The following AGBL4 variants were observed in gnomAD, a reference collection of about 807,000 sequenced individuals.
AGBL4 encodes AGBL carboxypeptidase 4, also known as cytosolic carboxypeptidase 6.
In AGBL4, 58 loss-of-function variants were observed where a neutral mutation model predicts 66.4. That is an observed-to-expected ratio of 0.87 (90% CI 0.71 to 1.09). The LOEUF is 1.09. AGBL4 is among the 50% of genes least tolerant of loss of function. The probability of loss-of-function intolerance (pLI) is 0.00; values close to 1 mark genes in which losing one functional copy is unlikely to be tolerated. For synonymous variants in AGBL4, 234 were observed against 222.9 expected (o/e 1.05, Z -0.44); for missense variants, 579 against 631.0 (o/e 0.92, Z 0.88).
chr1:49,369,995 C>T (rs1644309285), intron 3 of AGBL4, among the ~76,000 whole-genome samples: 3 of 151,130 alleles, frequency 2.0e-5, no homozygotes, highest in Admixed American at 2.0e-4. Context: ...CAGATTAGAA[C>T]TGCACATCGG....
In AGBL4 at chr1:49,648,249, G is replaced by T. The variant is rs12067883; in HGVS notation, c.282+49064C>A. On this transcript the variant is annotated intron_variant, in intron 3 of 13. Transcript: ENST00000371839. ...ACTTTTAATGGGCTTAATATAGGCT[G>T]GACACAGCTGAGAAAAGAGCTTCTG... Among the ~76,000 whole-genome samples the T allele has an allele frequency of 2.6e-3, 395 of 151,656 alleles. 5 individuals are homozygous for T. Among genetic ancestry groups the T allele is most frequent in the African/African-American group, 9.0e-3 (371 of 41,378 alleles).
intron 3 of AGBL4, among the ~76,000 whole-genome samples, chr1:49,282,506 T>C (rs905162896): frequency 6.6e-6 from 1 of 151,986 alleles, no homozygotes; most frequent in Non-Finnish European, 1.5e-5. Context: ...ATTAAGAAAG[T>C]AGGGGGAGGA....
At chr1:49,704,476 T>G (rs1180566209) in intron 2 of AGBL4, among the ~76,000 whole-genome samples, 3 of 152,110 alleles carry the variant, frequency 2.0e-5, no homozygotes, top group African/African-American at 7.2e-5. Context: ...GACACAAATA[T>G]AAAACCCAAA....
chr1:49,955,038 C>T (rs1315350221), intron 1 of AGBL4, among the ~76,000 whole-genome samples: 1 of 151,806 alleles, frequency 6.6e-6, no homozygotes, highest in Non-Finnish European at 1.5e-5. Flanking sequence ...TTTACTTTCC[C>T]GAAATATGTT....
At chr1:49,638,868 T>C (rs532858334) in intron 3 of AGBL4, among the ~76,000 whole-genome samples, 1 of 152,286 alleles carries the variant, frequency 6.6e-6, no homozygotes, top group East Asian at 1.9e-4. Context: ...AAGAAGATAC[T>C]ACTAACACGC....
At chr1:49,067,850 G>A (rs964895474) in intron 4 of AGBL4, among the ~76,000 whole-genome samples, 3 of 152,044 alleles carry the variant, frequency 2.0e-5, no homozygotes, top group African/African-American at 7.2e-5. Context: ...TTCGTTTGCT[G>A]CACCCATCAA....
At chr1:48,539,578 G>T in intron 12 of AGBL4, 64 bp downstream of exon 12, 1 of 1,294,252 alleles carries the variant, frequency 7.7e-7, no homozygotes, top group Non-Finnish European at 1.0e-6. Context: ...GCTAAGGGAA[G>T]TTGCCCCTGA....
intron 3 of AGBL4, among the ~76,000 whole-genome samples, chr1:49,484,255 T>A (rs1647016843): frequency 6.6e-6 from 1 of 151,916 alleles, no homozygotes; most frequent in Non-Finnish European, 1.5e-5. Flanking sequence ...AGGTATATAT[T>A]CAAAAGTTGG....
At chr1:48,742,634 C>A in intron 6 of AGBL4, 1 of 1,588,990 alleles carries the variant, frequency 6.3e-7, no homozygotes, top group South Asian at 1.1e-5. Context: ...TTGCCATTGT[C>A]TAGGATATAC....
intron 1 of AGBL4, among the ~76,000 whole-genome samples, chr1:49,879,953 C>G (rs1297771927): frequency 6.8e-6 from 1 of 146,228 alleles, no homozygotes; most frequent in Non-Finnish European, 1.5e-5. Context: ...TTGATCGCAT[C>G]GGCTCCTGAG....
At chr1:48,591,108 A>ACC in intron 9 of AGBL4, 123 bp from the exon 10 acceptor site, 2 of 717,140 alleles carry the variant, frequency 2.8e-6, no homozygotes, top group Non-Finnish European at 4.1e-6. Context: ...CCACACACAC[A>ACC]CACACATCAA....
At chr1:49,299,399 G>A (rs1644703332) in intron 3 of AGBL4, among the ~76,000 whole-genome samples, 1 of 152,218 alleles carries the variant, frequency 6.6e-6, no homozygotes, top group East Asian at 1.9e-4. Flanking sequence ...CTGTAGATGG[G>A]TATTAAATTA....
At chr1:49,701,462 T>C (rs1243123054) in intron 2 of AGBL4, among the ~76,000 whole-genome samples, 1 of 152,138 alleles carries the variant, frequency 6.6e-6, no homozygotes, top group Non-Finnish European at 1.5e-5. Flanking sequence ...CACAGATGTA[T>C]AGTTATATAG....
intron 4 of AGBL4, among the ~76,000 whole-genome samples, chr1:49,087,834 G>A (rs921427516): frequency 1.3e-5 from 2 of 152,206 alleles, no homozygotes; most frequent in Non-Finnish European, 2.9e-5. Flanking sequence ...AAGGCAGCTA[G>A]AGAGAAGGGG....
intron 3 of AGBL4, among the ~76,000 whole-genome samples, chr1:49,371,787 TGTCA>T (rs1246456957): frequency 2.6e-5 from 4 of 151,746 alleles, no homozygotes; most frequent in Non-Finnish European, 5.9e-5. Context: ...TATCATTGTG[TGTCA>T]GTCAGAGCCA....
At chr1:49,452,980 C>T (rs549993195) in intron 3 of AGBL4, among the ~76,000 whole-genome samples, 2 of 151,990 alleles carry the variant, frequency 1.3e-5, no homozygotes, top group African/African-American at 4.8e-5. Context: ...ATAGTAGATG[C>T]TCATGCCAGA....
At chr1:48,694,747 G>A (rs1646688496) in intron 6 of AGBL4, among the ~76,000 whole-genome samples, 3 of 152,174 alleles carry the variant, frequency 2.0e-5, no homozygotes, top group Admixed American at 2.0e-4. Context: ...TCCAGAGGAT[G>A]ATAAGACACC....
At chr1:49,344,112 C>A (rs1251013670) in intron 3 of AGBL4, among the ~76,000 whole-genome samples, 1 of 152,100 alleles carries the variant, frequency 6.6e-6, no homozygotes, top group Non-Finnish European at 1.5e-5. Context: ...AAGAGTCAGA[C>A]CTATCTGCGC....
chr1:49,237,557 TATATATATATATATATA>T (rs1650883281), intron 4 of AGBL4, among the ~76,000 whole-genome samples: 1 of 134,144 alleles, frequency 7.5e-6, no homozygotes, highest in African/African-American at 2.9e-5. Context: ...TATATATATA[TATATATATATATATATA>T]AAACCTATCA....
Sources: gnomAD v4.1 joint callset for allele counts (sites outside exome capture counted in the v4.1 genomes callset) on GRCh38, gnomAD v4.1.1 for gene constraint, MANE v1.5 for transcripts, NCBI Gene and HGNC (gene_info 2026-07-23, HGNC 2026-07-21) for gene names.